Variants in MROH1 observed in about 807,000 individuals in gnomAD.
The protein encoded by MROH1 is maestro heat like repeat family member 1, also known as maestro heat-like repeat-containing protein family member 1.
Under a neutral mutation model 116.5 loss-of-function variants are expected in MROH1, and 117 were observed. The ratio of observed to expected loss-of-function variants is 1.00; its 90% CI spans 0.86 to 1.17. The LOEUF (loss-of-function observed/expected upper bound fraction) is 1.17, where lower values mean the gene tolerates loss of function less well. Ranked by LOEUF, MROH1 falls within the 50% of genes most tolerant of loss-of-function variation. The probability of loss-of-function intolerance (pLI) is 0.00; values close to 1 mark genes in which losing one functional copy is unlikely to be tolerated. For synonymous variants in MROH1, 921 were observed against 583.9 expected (o/e 1.58, Z -8.32); for missense variants, 1,873 against 1,338.5 (o/e 1.40, Z -6.23).
chr8:144,254,206 A>G (rs1843305788), intron 33 of MROH1, among the ~76,000 whole-genome samples: 1 of 152,050 alleles, frequency 6.6e-6, no homozygotes, highest in South Asian at 2.1e-4. Context: ...CTTCCTATTT[A>G]CTGTTTCTCT....
intron 14 of MROH1, among the ~76,000 whole-genome samples, chr8:144,232,853 G>GT (rs1479507670): frequency 2.0e-5 from 3 of 148,908 alleles, no homozygotes; most frequent in African/African-American, 7.5e-5. Flanking sequence ...ATGAGACAGG[G>GT]TCTTGCTTTG....
intron 33 of MROH1, chr8:144,251,093 A>G (rs976780127): frequency 1.9e-5 from 3 of 159,694 alleles, no homozygotes; most frequent in Admixed American, 1.7e-4. Context: ...AGGCGGGGGC[A>G]TGAGGCTGCC....
rs1316301761 is a variant in MROH1 at position 144,180,596 on chromosome 8, TA to T, written c.562+74del. On this transcript the variant is annotated intron_variant, in intron 7 of 43. Coordinates refer to ENST00000326134, the MANE Select transcript of MROH1 (RefSeq NM_032450.3). The surrounding 1 kb of genome is among the most constrained non-coding windows in gnomAD (Gnocchi z 7.4). Reference sequence around the variant, plus strand: ...GGGCTGTTCCCGGGCATGCCTGTTTTAGGGGGGACAGGTGGGCACTTTAGGC... The same window carrying T: ...GGGCTGTTCCCGGGCATGCCTGTTTTGGGGGGACAGGTGGGCACTTTAGGC... 5 of 1,124,728 alleles carry T rather than the reference TA, an allele frequency of 4.4e-6. No homozygotes were observed. In the African/African-American group the frequency reaches 7.8e-5, roughly 18 times the overall value. 69.7% of individuals were successfully genotyped at this position (1,124,728 alleles called of 1,614,324 possible).
intron 29 of MROH1, among the ~76,000 whole-genome samples, chr8:144,246,074 T>C (rs948662847): frequency 4.3e-5 from 5 of 116,562 alleles, no homozygotes; most frequent in Non-Finnish European, 8.4e-5. Flanking sequence ...CCTCCTTCCT[T>C]TCCTTCCTTT....
In MROH1 at chr8:144,191,754, C is replaced by T. The variant is rs1828661930; in HGVS notation, c.754C>T (p.His252Tyr). 3.1e-6 allele frequency: 5 copies of T among 1,613,000 alleles called. No individual in the cohort carries two copies. In the South Asian group the frequency reaches 3.3e-5, roughly 11 times the overall value. Residue 252 changes from histidine (H) to tyrosine (Y), a missense_variant, in exon 9 of 44, where the codon CAT becomes TAT. Coordinates refer to ENST00000326134, the MANE Select transcript of MROH1 (RefSeq NM_032450.3). ...AVVEALGPMS[H>Y]LLPSERLEEQ... ...GGTGGAGGCTCTGGGGCCTATGAGC[C>T]ATCTGCTGCCCAGTGAGAGGCTGGA...
chr8:144,185,113 T>C (rs1289131512), intron 7 of MROH1, among the ~76,000 whole-genome samples: 2 of 152,182 alleles, frequency 1.3e-5, no homozygotes, highest in African/African-American at 2.4e-5. Context: ...GGGAAACCAC[T>C]GCAGTGTTGC....
intron 3 of MROH1, among the ~76,000 whole-genome samples, chr8:144,165,160 C>T (rs142370909): frequency 9.0e-4 from 134 of 148,218 alleles, no homozygotes; most frequent in African/African-American, 3.1e-3. Flanking sequence ...CTCACTCTGT[C>T]GCAGAGGCTG....
chr8:144,219,168 A>T (rs533221750), intron 12 of MROH1, among the ~76,000 whole-genome samples: 1 of 151,662 alleles, frequency 6.6e-6, no homozygotes, highest in Non-Finnish European at 1.5e-5. Context: ...GACTACAGGC[A>T]TCCACCACCA....
Position 144,260,342 on chromosome 8 carries a change from G to A in MROH1, c.4348G>A (p.Val1450Met), listed in dbSNP as rs973750172. The A allele has an allele frequency of 1.1e-4, 78 of 733,814 alleles. No homozygotes were observed. The highest frequency in any genetic ancestry group is 2.1e-4 in the African/African-American group (12 of 58,258). 45.5% of individuals were successfully genotyped at this position (733,814 alleles called of 1,614,324 possible). The change falls in exon 39 of 44, where the codon GTG (valine) becomes ATG (methionine). Residue 1450 changes from valine to methionine, a missense_variant. Val to Met is a conservative substitution (Grantham distance 21). Transcript: ENST00000326134. ...GGACCTGCGCTCAGGGCTGCTGCAC[G>A]TGGCCATCCGCATCCGGCCTTTCTT... ...SWDLRSGLLH[V>M]AIRIRPFFDS... is the part of the protein sequence containing the mutation.
chr8:144,200,769 G>T, intron 12 of MROH1: 2 of 530,312 alleles, frequency 3.8e-6, no homozygotes, highest in South Asian at 4.1e-5. Context: ...TTTGACAGCT[G>T]GCTGCAGACA....
intron 4 of MROH1, among the ~76,000 whole-genome samples, chr8:144,176,803 T>C (rs1184559039): frequency 1.4e-5 from 2 of 147,804 alleles, no homozygotes; most frequent in Non-Finnish European, 3.0e-5. Flanking sequence ...CACTCCAGCC[T>C]GCGCGACGAG....
In MROH1 at chr8:144,228,698, A is replaced by G. The variant is rs1025878199; in HGVS notation, c.1338+5468A>G. On this transcript the variant is annotated intron_variant, in intron 14 of 43. Coordinates refer to ENST00000326134, the MANE Select transcript of MROH1 (RefSeq NM_032450.3). Reference sequence around the variant, plus strand: ...AAGATGGTCGCAATCTCCTGACCTCATGATCCACCCGCCTCGGCCTCCCAA... The same window carrying G: ...AAGATGGTCGCAATCTCCTGACCTCGTGATCCACCCGCCTCGGCCTCCCAA... Among the ~76,000 whole-genome samples, 9 of 152,308 alleles carry G rather than the reference A, an allele frequency of 5.9e-5. No individual in the cohort carries two copies. In the East Asian group the frequency reaches 1.7e-3, roughly 29 times the overall value.
rs1040806794 is a variant in MROH1, at chr8:144,255,039, C to T, written c.3594+61C>T. ...TCCCTGCCCCGCTTGCCTGGGTGCC[C>T]GGGGGCAGGCCTTTTGATGAGGTGG... is the stretch of plus-strand genomic sequence containing the variant. On this transcript the variant is annotated intron_variant, in intron 34 of 43. Coordinates refer to ENST00000326134, the MANE Select transcript of MROH1 (RefSeq NM_032450.3). The T allele has an allele frequency of 3.4e-3, 2,368 of 692,608 alleles. 10 individuals carry two copies. The highest frequency in any genetic ancestry group is 4.9e-3 in the Non-Finnish European group (1,860 of 378,156). The allele number at this position is 692,608 out of a possible 1,614,324, so 42.9% of individuals were successfully genotyped here.
rs910661691 is a variant in MROH1 at position 144,249,119 on chromosome 8, T to C, written c.3273+90T>C. 16,808 of 697,172 alleles carry C rather than the reference T, an allele frequency of 0.024. 1,990 individuals are homozygous for C. The African/African-American group carries it at 0.26, about 11-fold the overall frequency. 43.2% of individuals were successfully genotyped at this position (697,172 alleles called of 1,614,324 possible). On this transcript the variant is annotated intron_variant, in intron 32 of 43. Transcript: ENST00000326134. The stretch of plus-strand genomic sequence containing the variant: ...CAGGGCAGGAGTGGGGTAGTGGCTC[T>C]TGGAGAGGTGGCACTGCGGGAGAAA...
chr8:144,260,346 C>T lies in MROH1; in HGVS notation c.4352C>T (p.Ala1451Val), dbSNP rs920515598. ...CTGCGCTCAGGGCTGCTGCACGTGG[C>T]CATCCGCATCCGGCCTTTCTTCGAC... ...WDLRSGLLHVAIRIRPFFDSE... is the reference protein window; with the variant it reads ...WDLRSGLLHVVIRIRPFFDSE... Residue 1451 changes from alanine (A) to valine (V), a missense_variant, in exon 39 of 44, where the codon GCC becomes GTC. By Grantham distance (64) the Ala-to-Val change is moderately conservative. Transcript: ENST00000326134. 5.5e-6 allele frequency: 4 copies of T among 730,298 alleles called. No homozygotes were observed. The highest frequency in any genetic ancestry group is 5.0e-6 in the Non-Finnish European group (2 of 398,746). The allele number at this position is 730,298 out of a possible 1,614,324, so 45.2% of individuals were successfully genotyped here. A position where few individuals can be genotyped will look rare whatever the true frequency, so the allele number is the denominator to read the frequency against.
In MROH1 at chr8:144,240,626, C is replaced by G; in HGVS notation, c.1884C>G (p.Ser628Arg). ...ISDNAWICQL[S>R]LELCRQLPCY... Reference sequence around the variant, plus strand: ...ACAACGCGTGGATCTGCCAGCTGAGCCTGGAGCTGTGCAGGCAGCTGCCCT... The same window carrying G: ...ACAACGCGTGGATCTGCCAGCTGAGGCTGGAGCTGTGCAGGCAGCTGCCCT... The change falls in exon 20 of 44, where the codon AGC becomes AGG. Residue 628 changes from serine (S) to arginine (R), a missense_variant. Ser to Arg is a moderately radical substitution (Grantham distance 110). Coordinates refer to ENST00000326134, the MANE Select transcript of MROH1 (RefSeq NM_032450.3). 1.4e-6 allele frequency: 1 copy of G among 717,664 alleles called. No individual in the cohort carries two copies. The highest frequency in any genetic ancestry group is 2.0e-5 in the Admixed American group (1 of 50,022). 44.5% of individuals were successfully genotyped at this position (717,664 alleles called of 1,614,324 possible). A position where few individuals can be genotyped will look rare whatever the true frequency, so the allele number is the denominator to read the frequency against.
intron 10 of MROH1, among the ~76,000 whole-genome samples, chr8:144,195,706 G>A (rs1476488185): frequency 6.6e-6 from 1 of 151,682 alleles, no homozygotes; most frequent in Non-Finnish European, 1.5e-5. Context: ...TTGTCATTGA[G>A]TCATTAATTC....
At chr8:144,196,174 C>A (rs970033243) in intron 10 of MROH1, among the ~76,000 whole-genome samples, 56 of 150,954 alleles carry the variant, frequency 3.7e-4, no homozygotes, top group African/African-American at 1.2e-3. Flanking sequence ...CCTGTAATCC[C>A]AACTACTCGG....
Position 144,234,716 on chromosome 8 carries a change from C to T in MROH1, c.1339-4040C>T, listed in dbSNP as rs147129159. ...TTTTTTTGGTAAAAATGGGGTTTCA[C>T]CATGTTGGCCAGGCTGGTCTTGAAC... On this transcript the variant is annotated intron_variant, in intron 14 of 43. Transcript: ENST00000326134. Among the ~76,000 whole-genome samples, 76 of 148,628 alleles carry T rather than the reference C, an allele frequency of 5.1e-4. 1 individual carries two copies. In the East Asian group the frequency reaches 0.014, roughly 27 times the overall value.
Sources: gnomAD v4.1 joint callset for allele counts (sites outside exome capture counted in the v4.1 genomes callset) on GRCh38, gnomAD v4.1.1 for gene constraint, Gnocchi (gnomAD v3.1) non-coding constraint, MANE v1.5 for transcripts, NCBI Gene and HGNC (gene_info 2026-07-23, HGNC 2026-07-21) for gene names.